The following CDK14 variants were observed in gnomAD, a reference collection of about 807,000 sequenced individuals.
CDK14 encodes the protein cyclin dependent kinase 14, also known as cyclin-dependent kinase 14.
In CDK14, 34 loss-of-function variants were observed where a neutral mutation model predicts 60.7. That is an observed-to-expected ratio of 0.56 (90% CI 0.43 to 0.75). CDK14 has a LOEUF of 0.75. Among genes scored for constraint, CDK14 ranks in the 30% least tolerant of loss-of-function variants. The pLI is 0.00. For synonymous variants in CDK14, 197 were observed against 203.7 expected (o/e 0.97, Z 0.28); for missense variants, 482 against 564.1 (o/e 0.85, Z 1.47).
intron 14 of CDK14, among the ~76,000 whole-genome samples, chr7:91,125,976 G>C (rs1411005906): frequency 6.6e-6 from 1 of 152,102 alleles, no homozygotes; most frequent in African/African-American, 2.4e-5. Context: ...AAAGATGTGT[G>C]ATTATAATGT....
chr7:91,048,158 C>G (rs765333939), intron 11 of CDK14, among the ~76,000 whole-genome samples: 1 of 152,204 alleles, frequency 6.6e-6, no homozygotes, highest in Non-Finnish European at 1.5e-5. Context: ...CCTCTGCCAA[C>G]TTCCCCTGAA....
intron 5 of CDK14, 143 bp downstream of exon 5, chr7:90,790,795 A>C: frequency 1.8e-6 from 1 of 541,082 alleles, no homozygotes; most frequent in Non-Finnish European, 3.3e-6. Context: ...AAATTTAAAA[A>C]TCAGTATCTC....
At chr7:90,964,321 C>T (rs1309362455) in intron 9 of CDK14, among the ~76,000 whole-genome samples, 1 of 152,106 alleles carries the variant, frequency 6.6e-6, no homozygotes, top group Non-Finnish European at 1.5e-5. Flanking sequence ...ATGTAACTAG[C>T]AGTGTTTTGC....
At chr7:90,686,898 CAATTATA>C (rs1801449795) in intron 2 of CDK14, among the ~76,000 whole-genome samples, 1 of 151,970 alleles carries the variant, frequency 6.6e-6, no homozygotes, top group Non-Finnish European at 1.5e-5. Flanking sequence ...TAATGTGGTT[CAATTATA>C]TTGTATGAGC....
At chr7:91,114,852 TA>T (rs1799561476) in intron 13 of CDK14, among the ~76,000 whole-genome samples, 1 of 152,170 alleles carries the variant, frequency 6.6e-6, no homozygotes, top group African/African-American at 2.4e-5. Context: ...TAAACATGTT[TA>T]CAAAACAAAG....
intron 2 of CDK14, among the ~76,000 whole-genome samples, chr7:90,610,831 C>T (rs1003015541): frequency 3.3e-5 from 5 of 152,168 alleles, no homozygotes; most frequent in African/African-American, 1.2e-4. Context: ...TGTACGACCC[C>T]CTTTTCAAAA....
intron 14 of CDK14, among the ~76,000 whole-genome samples, chr7:91,200,355 A>G (rs1050046947): frequency 3.9e-5 from 6 of 152,198 alleles, no homozygotes; most frequent in Non-Finnish European, 8.8e-5. Context: ...TAACAACCTT[A>G]TGTGTGAACT....
At chr7:90,844,752 A>T (rs573327197) in intron 5 of CDK14, among the ~76,000 whole-genome samples, 1 of 152,318 alleles carries the variant, frequency 6.6e-6, no homozygotes, top group South Asian at 2.1e-4. Context: ...TAAACTTCTC[A>T]TATTAGAAAG....
chr7:90,749,629 A>C (rs955083882), intron 4 of CDK14, among the ~76,000 whole-genome samples: 3 of 152,186 alleles, frequency 2.0e-5, no homozygotes, highest in Non-Finnish European at 4.4e-5. Context: ...CTGGTGTAGC[A>C]GGTTCCTCTC....
rs1437415612 is a variant in CDK14, at chr7:90,635,879, T to G, written c.123+31630T>G. On this transcript the variant is annotated intron_variant, in intron 2 of 14. Transcript: ENST00000380050. The stretch of plus-strand genomic sequence containing the variant: ...CTTGTAAGTTGGATTCCTAGATATT[T>G]TATTCTCTTTGAAGCAATTGTGAAT... 2.0e-5 allele frequency among the ~76,000 whole-genome samples: 3 copies of G among 151,974 alleles called. No individual in the cohort carries two copies. In the East Asian group the frequency reaches 5.8e-4, roughly 29 times the overall value.
intron 10 of CDK14, among the ~76,000 whole-genome samples, chr7:91,020,488 A>ATG (rs1241848176): frequency 6.6e-6 from 1 of 152,244 alleles, no homozygotes; most frequent in African/African-American, 2.4e-5. Context: ...ACAGTAAATA[A>ATG]TGTGTGTGTA....
chr7:91,077,509 G>A (rs1798360207), intron 11 of CDK14, among the ~76,000 whole-genome samples: 1 of 151,880 alleles, frequency 6.6e-6, no homozygotes, highest in Admixed American at 6.6e-5. Context: ...GGGGGCGAGG[G>A]GAGGGAGAGC....
intron 9 of CDK14, among the ~76,000 whole-genome samples, chr7:90,974,763 A>AT (rs1255294412): frequency 1.3e-5 from 2 of 152,270 alleles, no homozygotes; most frequent in South Asian, 2.1e-4. Context: ...TCAAATGCAG[A>AT]TTTTTTTATT....
At chr7:90,677,301 T>A (rs1224014294) in intron 2 of CDK14, among the ~76,000 whole-genome samples, 1 of 152,182 alleles carries the variant, frequency 6.6e-6, no homozygotes, top group Non-Finnish European at 1.5e-5. Flanking sequence ...ACCAATTCCC[T>A]CCTAAATTTA....
chr7:91,203,465 C>T (rs1802789996), intron 14 of CDK14, among the ~76,000 whole-genome samples: 2 of 152,178 alleles, frequency 1.3e-5, no homozygotes. Flanking sequence ...TGCTCCTTCA[C>T]AGGAAGTGTC....
chr7:90,788,653 A>G (rs907346907), intron 4 of CDK14, among the ~76,000 whole-genome samples: 1 of 152,216 alleles, frequency 6.6e-6, no homozygotes, highest in Non-Finnish European at 1.5e-5. Flanking sequence ...AAATGCCACT[A>G]GGATGGTTCA....
intron 14 of CDK14, among the ~76,000 whole-genome samples, chr7:91,184,758 C>T (rs573039856): frequency 1.3e-5 from 2 of 152,074 alleles, no homozygotes; most frequent in East Asian, 1.9e-4. Context: ...AGCATAAGCA[C>T]GGAATCAAGG....
intron 5 of CDK14, among the ~76,000 whole-genome samples, chr7:90,833,127 C>T (rs562426766): frequency 6.6e-6 from 1 of 152,186 alleles, no homozygotes; most frequent in Non-Finnish European, 1.5e-5. Context: ...TTTCCACTTC[C>T]TGTCTCATGA....
At chr7:91,176,440 G>A (rs1021208848) in intron 14 of CDK14, among the ~76,000 whole-genome samples, 4 of 152,054 alleles carry the variant, frequency 2.6e-5, no homozygotes, top group Middle Eastern at 6.8e-3. Context: ...GCTAGCAGAA[G>A]CAAGAAATAA....
Sources: gnomAD v4.1 joint callset for allele counts (sites outside exome capture counted in the v4.1 genomes callset) on GRCh38, gnomAD v4.1.1 for gene constraint, MANE v1.5 for transcripts, NCBI Gene and HGNC (gene_info 2026-07-23, HGNC 2026-07-21) for gene names.